Variants in STAU1 observed in about 807,000 individuals in gnomAD.
The protein encoded by STAU1 is double-stranded RNA-binding protein Staufen homolog 1.
A neutral mutation model predicts 62.9 loss-of-function variants in STAU1; 13 were observed. That is an observed-to-expected ratio of 0.21 (90% CI 0.13 to 0.33). The LOEUF (loss-of-function observed/expected upper bound fraction) is 0.33, where lower values mean the gene tolerates loss of function less well. Among genes scored for constraint, STAU1 ranks in the 10% least tolerant of loss-of-function variants. The pLI, the probability that STAU1 is intolerant of heterozygous loss-of-function variation, is 1.00. For missense variants in STAU1, 571 were observed against 712.1 expected (o/e 0.80, Z 2.25); for synonymous variants, 269 against 265.1 (o/e 1.01, Z -0.14).
chr20:49,130,821 C>G (rs1004746096), intron 6 of STAU1, among the ~76,000 whole-genome samples: 8 of 152,090 alleles, frequency 5.3e-5, no homozygotes, highest in Non-Finnish European at 1.0e-4. Context: ...ATGCCTAATC[C>G]TAGCTACTTG....
chr20:49,176,093 A>G (rs542863), intron 1 of STAU1, among the ~76,000 whole-genome samples: 130,268 of 152,180 alleles, frequency 0.86, 56,231 homozygotes, highest in African/African-American at 0.94. Context: ...CGCGCCCGGC[A>G]ATAATGCTTT....
rs1159289766 is a variant in STAU1, at chr20:49,118,104, G to A, written c.1190-8C>T. ...ACTCATCCTCTTTATTACCTGGGAGGGACATACACGGTAAACACGAATCCA... is the reference window on the plus strand; with the variant it reads ...ACTCATCCTCTTTATTACCTGGGAGAGACATACACGGTAAACACGAATCCA... On this transcript the variant is annotated splice_polypyrimidine_tract_variant and splice_region_variant and intron_variant, in intron 10 of 13. Transcript: ENST00000371856. 1 of 1,611,466 alleles carries A rather than the reference G, an allele frequency of 6.2e-7. No individual in the cohort carries two copies. The highest frequency in any genetic ancestry group is 8.5e-7 in the Non-Finnish European group (1 of 1,178,100).
At chr20:49,206,756 A>AT in the STAU1 span, among the ~76,000 whole-genome samples, 11 of 77,638 alleles carry the variant, frequency 1.4e-4, no homozygotes, top group Admixed American at 7.7e-4. Context: ...TATATATTTT[A>AT]TTTTATTTTT....
chr20:49,195,664 G>A, the STAU1 span, among the ~76,000 whole-genome samples: 1 of 151,394 alleles, frequency 6.6e-6, no homozygotes, highest in African/African-American at 2.4e-5. Context: ...AACACTTTGG[G>A]AGCCCAAGGT....
Position 49,117,939 on chromosome 20 carries a change from G to A in STAU1, c.1347C>T (p.Ala449=). ...CTCGGGCTATCATGGCAGTTACCGT[G>A]GCCTTGGCAGGATTCGGAGCTGCCC... is the stretch of plus-strand genomic sequence containing the variant. ...FTRAAPNPAK[A]TVTAMIAREL... is the part of the protein sequence containing the mutation. The change falls in exon 11 of 14, where the codon GCC becomes GCT. Residue 449 remains alanine (A), a synonymous_variant. Coordinates refer to ENST00000371856, the MANE Select transcript of STAU1 (RefSeq NM_017453.4). The surrounding 1 kb of genome is among the most constrained non-coding windows in gnomAD (Gnocchi z 4.6). The A allele has an allele frequency of 1.2e-6, 2 of 1,614,172 alleles. No homozygotes were observed. The highest frequency in any genetic ancestry group is 1.3e-5 in the African/African-American group (1 of 75,034).
chr20:49,203,566 G>T, the STAU1 span, among the ~76,000 whole-genome samples: 2 of 152,188 alleles, frequency 1.3e-5, no homozygotes, highest in East Asian at 3.8e-4. Context: ...CGAGAGGAAA[G>T]CTTGGGGATA....
intron 2 of STAU1, among the ~76,000 whole-genome samples, chr20:49,168,887 C>T (rs2093561211): frequency 6.6e-6 from 1 of 151,860 alleles, no homozygotes; most frequent in Non-Finnish European, 1.5e-5. Context: ...TAACAAGTAG[C>T]TTATATTCTT....
Position 49,159,964 on chromosome 20 carries a change from CTTAAATGCTTAA to C in STAU1, c.206-5905_206-5894del, listed in dbSNP as rs536820983. ...TGTGTGAGTGGTAAATACTGTTTTT[CTTAAATGCTTAA>C]TTAAATGCTTAATCCTGCCTCAGCT... On this transcript the variant is annotated intron_variant, in intron 3 of 13. Transcript: ENST00000371856. 1.5e-3 allele frequency among the ~76,000 whole-genome samples: 232 copies of C among 152,204 alleles called. 1 individual carries two copies. The highest frequency in any genetic ancestry group is 2.7e-3 in the Non-Finnish European group (184 of 68,032).
At chr20:49,213,549 G>A in the STAU1 span, among the ~76,000 whole-genome samples, 1 of 152,016 alleles carries the variant, frequency 6.6e-6, no homozygotes, top group Non-Finnish European at 1.5e-5. Context: ...AATGTGGGGC[G>A]ATTATAATCA....
rs890984691 is a variant in STAU1, at chr20:49,136,460, C to T, written c.511-529G>A. 1.2e-4 allele frequency among the ~76,000 whole-genome samples: 18 copies of T among 152,182 alleles called. 1 individual carries two copies. The highest frequency in any genetic ancestry group is 9.2e-4 in the Admixed American group (14 of 15,278). On this transcript the variant is annotated intron_variant, in intron 5 of 13. Coordinates refer to ENST00000371856, the MANE Select transcript of STAU1 (RefSeq NM_017453.4). ...GTCAAGTTTGAGTCAAATTGTACCTCATAAGTTCACCAAAAACAATCCGCA... is the reference window on the plus strand; with the variant it reads ...GTCAAGTTTGAGTCAAATTGTACCTTATAAGTTCACCAAAAACAATCCGCA...
chr20:49,129,084 TA>T (rs2092695207), intron 6 of STAU1, among the ~76,000 whole-genome samples: 1 of 151,750 alleles, frequency 6.6e-6, no homozygotes, highest in African/African-American at 2.4e-5. Context: ...ATTCAGAATA[TA>T]TATAGAACCT....
At chr20:49,190,108 T>C (rs896257942), upstream of STAU1, among the ~76,000 whole-genome samples, 4 of 152,084 alleles carry the variant, frequency 2.6e-5, no homozygotes, top group Admixed American at 1.3e-4. Context: ...TTCCAAGCAG[T>C]GTGGATCCCA....
At chr20:49,206,851 G>A in the STAU1 span, among the ~76,000 whole-genome samples, 18 of 150,556 alleles carry the variant, frequency 1.2e-4, no homozygotes, top group Non-Finnish European at 2.4e-4. Context: ...CACCTCCCGG[G>A]TTCAAGCAAT....
At chr20:49,131,337 G>T (rs1372819242) in intron 6 of STAU1, among the ~76,000 whole-genome samples, 1 of 152,172 alleles carries the variant, frequency 6.6e-6, no homozygotes, top group Non-Finnish European at 1.5e-5. Context: ...GAGACAACTG[G>T]TGAAATGTGA....
At chr20:49,115,928 A>C in intron 12 of STAU1, 61 bp from the exon 13 acceptor site, 1 of 1,459,002 alleles carries the variant, frequency 6.9e-7, no homozygotes, top group Non-Finnish European at 9.6e-7. Flanking sequence ...AGCATAATAC[A>C]CTGGTCAGGC....
chr20:49,155,925 T>C (rs770638415), intron 3 of STAU1, among the ~76,000 whole-genome samples: 2 of 152,288 alleles, frequency 1.3e-5, no homozygotes, highest in East Asian at 3.9e-4. Context: ...GATGACTTCA[T>C]GCATGTGAGG....
In STAU1 at chr20:49,165,998, T is replaced by C; in HGVS notation, c.204A>G (p.Ala68=). The C allele has an allele frequency of 6.2e-7, 1 of 1,614,048 alleles. No homozygotes were observed. The highest frequency in any genetic ancestry group is 8.5e-7 in the Non-Finnish European group (1 of 1,179,882). Residue 68 remains alanine, a splice_region_variant and synonymous_variant, in exon 3 of 14, where the codon GCA becomes GCG. Transcript: ENST00000371856. The part of the protein sequence containing the change: ...SASITSTSAA[A]ESITPTVELN... Reference sequence around the variant, plus strand: ...AGACACTTGGATTCATATGCTTACCTGCAGCTGCACTGGTGGATGTAATAG... The same window carrying C: ...AGACACTTGGATTCATATGCTTACCCGCAGCTGCACTGGTGGATGTAATAG...
the STAU1 span, among the ~76,000 whole-genome samples, chr20:49,202,158 TGC>T: frequency 2.8e-4 from 41 of 143,870 alleles, 2 homozygotes; most frequent in Non-Finnish European, 4.4e-4. Context: ...AGGCGGAGCT[TGC>T]AGTGAGCCAA....
At chr20:49,177,514 TA>T (rs1453333703) in intron 1 of STAU1, among the ~76,000 whole-genome samples, 1 of 151,676 alleles carries the variant, frequency 6.6e-6, no homozygotes. Flanking sequence ...CCGTCTCTAC[TA>T]AAAATACAAA....
Sources: allele counts gnomAD v4.1 joint callset (sites outside exome capture counted in the v4.1 genomes callset), GRCh38; gene constraint gnomAD v4.1.1; non-coding constraint Gnocchi (gnomAD v3.1); transcripts MANE v1.5; gene names NCBI Gene and HGNC (gene_info 2026-07-23, HGNC 2026-07-21).